The following KCNH6 variants were observed in gnomAD, a reference collection of about 807,000 sequenced individuals.
The protein encoded by KCNH6 is potassium voltage-gated channel subfamily H member 6, also known as voltage-gated inwardly rectifying potassium channel KCNH6.
Under a neutral mutation model 83.4 loss-of-function variants are expected in KCNH6, and 81 were observed. That is an observed-to-expected ratio of 0.97 (90% CI 0.81 to 1.17). KCNH6 has a LOEUF of 1.17. KCNH6 is among the 50% of genes most tolerant of loss of function. The probability of loss-of-function intolerance (pLI) is 0.00; values close to 1 mark genes in which losing one functional copy is unlikely to be tolerated. For missense variants in KCNH6, 1,203 were observed against 1,290.5 expected (o/e 0.93, Z 1.04); for synonymous variants, 503 against 545.6 (o/e 0.92, Z 1.09).
At position 63,532,643 on chromosome 17, in the gene KCNH6, C is replaced by T. The variant is rs140463780; in HGVS notation, c.676-1243C>T. On this transcript the variant is annotated intron_variant, in intron 4 of 12. Coordinates refer to ENST00000314672, the MANE Select transcript of KCNH6 (RefSeq NM_001278919.2). ...AGGGTTTGGATGTCAGATAGGGACCCTCTGGTTGAAACTAAATGGATCTGC... is the reference window on the plus strand; with the variant it reads ...AGGGTTTGGATGTCAGATAGGGACCTTCTGGTTGAAACTAAATGGATCTGC... Among the ~76,000 whole-genome samples, 51 of 152,340 alleles carry T rather than the reference C, an allele frequency of 3.3e-4. No individual in the cohort carries two copies. The East Asian group carries it at 8.3e-3, about 25-fold the overall frequency.
intron 2 of KCNH6, 48 bp from the exon 3 acceptor site, chr17:63,530,043 G>A (rs752581985): frequency 6.3e-7 from 1 of 1,598,878 alleles, no homozygotes; most frequent in Non-Finnish European, 8.5e-7. Context: ...CACTGCAGGA[G>A]GGGACCCCTT....
chr17:63,533,309 G>A lies in KCNH6; in HGVS notation c.676-577G>A, dbSNP rs1338007316. ...TCCTTGGTGCCCAGGACCCGTTGAG[G>A]GTCCAGGTTGGCTACACCCCTACCC... On this transcript the variant is annotated intron_variant, in intron 4 of 12. Transcript: ENST00000314672. The surrounding 1 kb of genome is among the most constrained non-coding windows in gnomAD (Gnocchi z 4.1). Among the ~76,000 whole-genome samples the A allele has an allele frequency of 6.6e-6, 1 of 152,036 alleles. No homozygotes were observed. Among genetic ancestry groups the A allele is most frequent in the African/African-American group, 2.4e-5 (1 of 41,396 alleles).
chr17:63,543,889 A>G (rs1429157329), intron 10 of KCNH6: 1 of 645,892 alleles, frequency 1.5e-6, no homozygotes, highest in East Asian at 2.8e-5. Context: ...GTTCAAATGC[A>G]ACCCCCAGGG....
At chr17:63,542,184 C>T in intron 8 of KCNH6, 57 bp from the exon 9 acceptor site, 1 of 1,580,586 alleles carries the variant, frequency 6.3e-7, no homozygotes, top group Non-Finnish European at 8.7e-7. Context: ...TCAAAGGACC[C>T]TCATAAGGGA....
At chr17:63,526,306 C>T (rs1351612568) in intron 2 of KCNH6, among the ~76,000 whole-genome samples, 1 of 152,098 alleles carries the variant, frequency 6.6e-6, no homozygotes, top group African/African-American at 2.4e-5. Flanking sequence ...AGGGGAGCTT[C>T]CTGGCCTGCA....
Position 63,545,242 on chromosome 17 carries a change from A to C in KCNH6, c.2561A>C (p.Gln854Pro), listed in dbSNP as rs759982749. Residue 854 changes from glutamine (Q) to proline (P), a missense_variant, in exon 12 of 13, where the codon CAG (glutamine) becomes CCG (proline). Physicochemically the swap from Gln to Pro is moderately conservative, Grantham distance 76. Transcript: ENST00000314672. Reference protein sequence around the residue: ...ETTSPGPRLPQGFLPPAQTPS... With the variant: ...ETTSPGPRLPPGFLPPAQTPS... The stretch of plus-strand genomic sequence containing the variant: ...ACGAGTCCAGGGCCCAGGCTGCCCC[A>C]GGGCTTTCTGCCTCCTGCACAGGTA... 6.2e-6 allele frequency: 10 copies of C among 1,613,512 alleles called. No individual in the cohort carries two copies. The South Asian group carries it at 1.1e-4, about 18-fold the overall frequency.
At position 63,538,390 on chromosome 17, in the gene KCNH6, C is replaced by G. The variant is rs746475666; in HGVS notation, c.1702-20C>G. ...CCCACCCCGGCCGCGTCCCGCTGGA[C>G]TTGGCCGCCCGCCTTGCAGGTGCTG... On this transcript the variant is annotated intron_variant, in intron 7 of 12. Transcript: ENST00000314672. This position sits in a 1 kb window ranked among gnomAD's most constrained non-coding sequence, Gnocchi z 4.0. 6.3e-7 allele frequency: 1 copy of G among 1,589,642 alleles called. No homozygotes were observed. The highest frequency in any genetic ancestry group is 8.6e-7 in the Non-Finnish European group (1 of 1,169,512).
At chr17:63,547,992 G>A (rs1047456940), downstream of KCNH6, among the ~76,000 whole-genome samples, 8 of 150,900 alleles carry the variant, frequency 5.3e-5, no homozygotes, top group African/African-American at 1.2e-4. Context: ...GTGGCTGGGC[G>A]CAGTGGCTCA....
rs145903729 is a variant in KCNH6, at chr17:63,542,380, G to C, written c.2094G>C (p.Pro698=). 1 of 1,614,184 alleles carries C rather than the reference G, an allele frequency of 6.2e-7. No individual in the cohort carries two copies. Among genetic ancestry groups the C allele is most frequent in the Non-Finnish European group, 8.5e-7 (1 of 1,180,032 alleles). Residue 698 remains proline, a synonymous_variant, in exon 9 of 13, where the codon CCG becomes CCC. Coordinates refer to ENST00000314672, the MANE Select transcript of KCNH6 (RefSeq NM_001278919.2). Reference sequence around the variant, plus strand: ...TGCTGGAGGTGCTGGACATGTACCCGGCCTTTGCGGAGAGCTTCTGGAGTA... The same window carrying C: ...TGCTGGAGGTGCTGGACATGTACCCCGCCTTTGCGGAGAGCTTCTGGAGTA... The part of the protein sequence containing the change: ...ADLLEVLDMY[P]AFAESFWSKL...
At position 63,535,719 on chromosome 17, in the gene KCNH6, G is replaced by T. The variant is rs1405320023; in HGVS notation, c.1152G>T (p.Val384=). The T allele has an allele frequency of 6.2e-7, 1 of 1,613,166 alleles. No individual in the cohort carries two copies. Among genetic ancestry groups the T allele is most frequent in the South Asian group, 1.1e-5 (1 of 91,054 alleles). Reference sequence around the variant, plus strand: ...AGACAGCGCGGCTGCTGCGGCTGGTGCGCGTAGCACGGAAGCTGGACCGCT... The same window carrying T: ...AGACAGCGCGGCTGCTGCGGCTGGTTCGCGTAGCACGGAAGCTGGACCGCT... ...LLKTARLLRL[V]RVARKLDRYS... The change falls in exon 6 of 13, where the codon GTG becomes GTT. Residue 384 remains valine, a synonymous_variant. Coordinates refer to ENST00000314672, the MANE Select transcript of KCNH6 (RefSeq NM_001278919.2). This position sits in a 1 kb window ranked among gnomAD's most constrained non-coding sequence, Gnocchi z 4.9.
chr17:63,538,069 G>T lies in KCNH6; in HGVS notation c.1506G>T (p.Leu502=), dbSNP rs146168419. The T allele has an allele frequency of 1.5e-4, 245 of 1,613,196 alleles. 1 individual carries two copies. In the African/African-American group the frequency reaches 3.1e-3, roughly 20 times the overall value. The part of the protein sequence containing the change: ...FSICVMLIGS[L]MYASIFGNVS... ...CACTCTCCGCCCCGCCCCCAGCCCTGATGTACGCCAGCATCTTCGGGAACG... is the reference window on the plus strand; with the variant it reads ...CACTCTCCGCCCCGCCCCCAGCCCTTATGTACGCCAGCATCTTCGGGAACG... The change falls in exon 7 of 13, where the codon CTG becomes CTT. Residue 502 remains leucine, a synonymous_variant. Transcript: ENST00000314672. The surrounding 1 kb of genome is among the most constrained non-coding windows in gnomAD (Gnocchi z 4.0).
Position 63,545,149 on chromosome 17 carries a change from A to G in KCNH6, c.2468A>G (p.His823Arg), listed in dbSNP as rs1461209004. Residue 823 changes from histidine (H) to arginine (R), a missense_variant, in exon 12 of 13, where the codon CAC (histidine) becomes CGC (arginine). Transcript: ENST00000314672. ...CTCCAGAAGCCCATGCCCCAGGGCC[A>G]CGCCAGCTACATTCTGGAAGCCCCT... ...QLLQKPMPQG[H>R]ASYILEAPAS... The G allele has an allele frequency of 3.1e-6, 5 of 1,613,802 alleles. No individual in the cohort carries two copies. The highest frequency in any genetic ancestry group is 4.2e-6 in the Non-Finnish European group (5 of 1,180,026).
Position 63,523,551 on chromosome 17 carries a change from G to A in KCNH6, c.76+62G>A, listed in dbSNP as rs1214909499. The A allele has an allele frequency of 1.4e-6, 2 of 1,450,696 alleles. No homozygotes were observed. Among genetic ancestry groups the A allele is most frequent in the Non-Finnish European group, 9.5e-7 (1 of 1,054,536 alleles). 89.9% of individuals were successfully genotyped at this position (1,450,696 alleles called of 1,614,324 possible). A position where few individuals can be genotyped will look rare whatever the true frequency, so the allele number is the denominator to read the frequency against. On this transcript the variant is annotated intron_variant, in intron 1 of 12. Coordinates refer to ENST00000314672, the MANE Select transcript of KCNH6 (RefSeq NM_001278919.2). The surrounding 1 kb of genome is among the most constrained non-coding windows in gnomAD (Gnocchi z 4.2). ...GAGTCCTGGTTCCGTGAAAGGGGGG[G>A]CTGGACCCCTTTACTAACTTCTAAC...
Position 63,545,211 on chromosome 17 carries a change from G to T in KCNH6, c.2530G>T (p.Glu844Ter). 6.2e-7 allele frequency: 1 copy of T among 1,613,736 alleles called. No individual in the cohort carries two copies. Among genetic ancestry groups the T allele is most frequent in the Non-Finnish European group, 8.5e-7 (1 of 1,180,022 alleles). Residue 844 changes from glutamate (E) to a stop codon, truncating the protein, a stop_gained, in exon 12 of 13, where the codon GAG becomes TAG. Transcript: ENST00000314672. LOFTEE classifies it high-confidence loss of function. ...NDLALVPIAS[E>*]TTSPGPRLPQ... ...CCTGGCCTTGGTTCCTATAGCCTCG[G>T]AGACGACGAGTCCAGGGCCCAGGCT...
rs1475300836 is a variant in KCNH6 at position 63,542,225 on chromosome 17, C to T, written c.1955-16C>T. 12 of 1,612,154 alleles carry T rather than the reference C, an allele frequency of 7.4e-6. No homozygotes were observed. The highest frequency in any genetic ancestry group is 1.3e-5 in the African/African-American group (1 of 74,914). On this transcript the variant is annotated splice_polypyrimidine_tract_variant and intron_variant, in intron 8 of 12. Coordinates refer to ENST00000314672, the MANE Select transcript of KCNH6 (RefSeq NM_001278919.2). ...GAGTCAGACCCTGAAGAGACTCCCA[C>T]CCCTCTGGCTGGCAGGAAAGAATGA...
At position 63,544,358 on chromosome 17, in the gene KCNH6, CT is replaced by C; in HGVS notation, c.2344del (p.Trp782GlyfsTer3). On this transcript the variant is annotated frameshift_variant, in exon 11 of 13. Transcript: ENST00000314672. LOFTEE classifies it high-confidence loss of function. The stretch of plus-strand genomic sequence containing the variant: ...AAAGCCCTCAGGAAGACCCAGATTG[CT>C]GGCCTCTGAAGCTGGGCTCCAGGCT... ...PQSPQEDPDCWPLKLGSRLEQ... is the reference protein window; with the variant it reads ...PQSPQEDPDCXPLKLGSRLEQ... 6.2e-7 allele frequency: 1 copy of C among 1,610,946 alleles called. No individual in the cohort carries two copies. Among genetic ancestry groups the C allele is most frequent in the Non-Finnish European group, 8.5e-7 (1 of 1,178,624 alleles).
Position 63,545,617 on chromosome 17 carries a change from C to G in KCNH6, c.2592C>G (p.Ser864Arg). Residue 864 changes from serine (S) to arginine (R), a missense_variant, in exon 13 of 13, where the codon AGC (serine) becomes AGG (arginine). Transcript: ENST00000314672. ...QGFLPPAQTP[S>R]YGDLDDCSPK... ...TTTCTTGCTCCTCCCAGACCCCAAG[C>G]TATGGAGACTTGGATGACTGTAGTC... 6.2e-7 allele frequency: 1 copy of G among 1,613,016 alleles called. No homozygotes were observed.
Position 63,530,325 on chromosome 17 carries a change from C to T in KCNH6, c.470-12C>T. On this transcript the variant is annotated splice_polypyrimidine_tract_variant and intron_variant, in intron 3 of 12. Coordinates refer to ENST00000314672, the MANE Select transcript of KCNH6 (RefSeq NM_001278919.2). Reference sequence around the variant, plus strand: ...TGGCCGTGGCTGCTCTGACTCCTGGCCCTGGTTTCAGAGGGCTCTCATGGC... The same window carrying T: ...TGGCCGTGGCTGCTCTGACTCCTGGTCCTGGTTTCAGAGGGCTCTCATGGC... 4.3e-6 allele frequency: 7 copies of T among 1,614,128 alleles called. No individual in the cohort carries two copies. The highest frequency in any genetic ancestry group is 5.9e-6 in the Non-Finnish European group (7 of 1,179,984).
Position 63,534,144 on chromosome 17 carries a change from G to C in KCNH6, c.934G>C (p.Val312Leu), listed in dbSNP as rs765198104. 6.2e-7 allele frequency: 1 copy of C among 1,605,334 alleles called. No individual in the cohort carries two copies. The highest frequency in any genetic ancestry group is 8.5e-7 in the Non-Finnish European group (1 of 1,179,156). ...VVDLIVDIMF[V>L]VDIVINFRTT... ...GGATCTCATCGTGGACATCATGTTC[G>C]TCGTGGACATCGTCATCAACTTCCG... is the stretch of plus-strand genomic sequence containing the variant. Residue 312 changes from valine (V) to leucine (L), a missense_variant, in exon 5 of 13, where the codon GTC (valine) becomes CTC (leucine). Coordinates refer to ENST00000314672, the MANE Select transcript of KCNH6 (RefSeq NM_001278919.2). The surrounding 1 kb of genome is among the most constrained non-coding windows in gnomAD (Gnocchi z 5.0).
Sources: allele counts gnomAD v4.1 joint callset (sites outside exome capture counted in the v4.1 genomes callset), GRCh38; gene constraint gnomAD v4.1.1; non-coding constraint Gnocchi (gnomAD v3.1); transcripts MANE v1.5; gene names NCBI Gene and HGNC (gene_info 2026-07-23, HGNC 2026-07-21).